LRP1B: variants seen among roughly 807,000 people sequenced by gnomAD.
The protein encoded by LRP1B is LDL receptor related protein 1B, also known as low-density lipoprotein receptor-related protein 1B.
Under a neutral mutation model 556.6 loss-of-function variants are expected in LRP1B, and 217 were observed. The observed-to-expected ratio is 0.39, with a 90% CI of 0.35 to 0.44. The LOEUF is 0.44. Among genes scored for constraint, LRP1B ranks in the 20% least tolerant of loss-of-function variants. The pLI is 1.00. For synonymous variants in LRP1B, 2,047 were observed against 1,865.8 expected, an observed-to-expected ratio of 1.10 and a Z score of -2.50; for missense variants, 5,053 against 5,620.8, an observed-to-expected ratio of 0.90 and a Z score of 3.23.
At chr2:141,427,596 T>C (rs1445748809) in intron 3 of LRP1B, among the ~76,000 whole-genome samples, 1 of 152,204 alleles carries the variant, frequency 6.6e-6, no homozygotes, top group Non-Finnish European at 1.5e-5. Flanking sequence ...CTGAATATAA[T>C]TGTTTCATAT....
intron 23 of LRP1B, among the ~76,000 whole-genome samples, chr2:140,896,338 T>G (rs947412662): frequency 6.6e-6 from 1 of 151,262 alleles, no homozygotes; most frequent in Admixed American, 6.6e-5. Flanking sequence ...ATATTAGGAG[T>G]GAACTTAGAG....
chr2:141,446,950 T>C (rs925822390), intron 3 of LRP1B, among the ~76,000 whole-genome samples: 1 of 152,182 alleles, frequency 6.6e-6, no homozygotes, highest in Admixed American at 6.5e-5. Context: ...TGAATTTGAA[T>C]GTTGGCATGA....
chr2:141,644,286 T>C (rs1689465674), intron 2 of LRP1B, among the ~76,000 whole-genome samples: 1 of 151,930 alleles, frequency 6.6e-6, no homozygotes, highest in African/African-American at 2.4e-5. Flanking sequence ...GTGCTGTTCT[T>C]ATGATAGTGA....
intron 34 of LRP1B, 96 bp downstream of exon 34, chr2:140,770,785 T>C: frequency 9.9e-7 from 1 of 1,009,890 alleles, no homozygotes; most frequent in Non-Finnish European, 1.4e-6. Context: ...AATTTTTTTC[T>C]AATGTTTAAC....
chr2:140,866,095 C>A lies in LRP1B; in HGVS notation c.4579+1495G>T, dbSNP rs114273204. 2.2e-3 allele frequency among the ~76,000 whole-genome samples: 341 copies of A among 152,166 alleles called. 3 individuals are homozygous for A. Among genetic ancestry groups the A allele is most frequent in the East Asian group, 0.016 (84 of 5,176 alleles). The stretch of plus-strand genomic sequence containing the variant: ...ATAGATGAAGGCCATTTTTCATGGT[C>A]CAGTTCATTTAGATTGCACTGAACA... On this transcript the variant is annotated intron_variant, in intron 27 of 90. Coordinates refer to ENST00000389484, the MANE Select transcript of LRP1B (RefSeq NM_018557.3).
intron 2 of LRP1B, among the ~76,000 whole-genome samples, chr2:141,651,355 T>G (rs867955183): frequency 5.3e-5 from 8 of 152,294 alleles, no homozygotes; most frequent in Middle Eastern, 3.4e-3. Context: ...AATGAATCAT[T>G]TTTAGCATAA....
At chr2:140,456,427 A>G (rs1422164179) in intron 62 of LRP1B, 28 bp downstream of exon 62, 9 of 1,606,740 alleles carry the variant, frequency 5.6e-6, no homozygotes, top group African/African-American at 1.3e-5. Context: ...CATACACTCT[A>G]TAATAAGATT....
At chr2:141,931,685 T>A (rs1700511435) in intron 1 of LRP1B, among the ~76,000 whole-genome samples, 2 of 152,172 alleles carry the variant, frequency 1.3e-5, no homozygotes, top group African/African-American at 4.8e-5. Flanking sequence ...ATTTGGGGCC[T>A]ATTTATGTGA....
At chr2:141,124,432 T>C (rs1701146925) in intron 7 of LRP1B, among the ~76,000 whole-genome samples, 1 of 152,160 alleles carries the variant, frequency 6.6e-6, no homozygotes, top group South Asian at 2.1e-4. Context: ...TACATAGCCA[T>C]ATTAATTTCG....
At chr2:141,953,325 A>G (rs1038419272) in intron 1 of LRP1B, among the ~76,000 whole-genome samples, 2 of 152,140 alleles carry the variant, frequency 1.3e-5, no homozygotes, top group Non-Finnish European at 2.9e-5. Flanking sequence ...AATTACTTTT[A>G]TATTGAGTAG....
chr2:141,284,958 A>T (rs182334101), intron 3 of LRP1B, among the ~76,000 whole-genome samples: 1 of 152,226 alleles, frequency 6.6e-6, no homozygotes, highest in African/African-American at 2.4e-5. Context: ...TTTCCAAAAA[A>T]ATTTAAAACC....
chr2:141,759,340 T>C (rs977054132), intron 2 of LRP1B, among the ~76,000 whole-genome samples: 4 of 152,036 alleles, frequency 2.6e-5, no homozygotes, highest in Non-Finnish European at 5.9e-5. Context: ...AATGACAAAA[T>C]AACGATACAA....
chr2:141,825,232 G>C (rs1275478880), intron 1 of LRP1B, among the ~76,000 whole-genome samples: 1 of 152,150 alleles, frequency 6.6e-6, no homozygotes, highest in Non-Finnish European at 1.5e-5. Context: ...TTACAGCTTT[G>C]TGAATAATAG....
chr2:140,322,595 G>A (rs825431), intron 81 of LRP1B, among the ~76,000 whole-genome samples: 5,920 of 127,826 alleles, frequency 0.046, 372 homozygotes, highest in African/African-American at 0.17. Flanking sequence ...TGAAAAATAC[G>A]ACTTTTTTTT....
chr2:141,075,864 C>T (rs1699773118), intron 7 of LRP1B, among the ~76,000 whole-genome samples: 2 of 152,130 alleles, frequency 1.3e-5, no homozygotes, highest in Admixed American at 6.5e-5. Context: ...AAAAATGAAA[C>T]TTTAACTACA....
chr2:141,706,605 T>C (rs1692148620), intron 2 of LRP1B, among the ~76,000 whole-genome samples: 1 of 152,068 alleles, frequency 6.6e-6, no homozygotes, highest in Admixed American at 6.6e-5. Context: ...CTGAAAATAA[T>C]TAGAGCTGAT....
intron 46 of LRP1B, among the ~76,000 whole-genome samples, chr2:140,534,993 C>T (rs866637778): frequency 1.3e-5 from 2 of 152,152 alleles, no homozygotes; most frequent in Non-Finnish European, 2.9e-5. Flanking sequence ...AAAGCCCATA[C>T]TCTACACCTG....
At chr2:142,108,243 C>A (rs986624184) in intron 1 of LRP1B, among the ~76,000 whole-genome samples, 2 of 151,902 alleles carry the variant, frequency 1.3e-5, no homozygotes, top group Non-Finnish European at 2.9e-5. Context: ...TGAAATAAAT[C>A]TTTCCTATGA....
At chr2:140,470,501 C>G (rs553173062) in intron 60 of LRP1B, among the ~76,000 whole-genome samples, 1 of 151,506 alleles carries the variant, frequency 6.6e-6, no homozygotes, top group African/African-American at 2.4e-5. Flanking sequence ...AAAAATTAGC[C>G]GGGTGTGGTG....
Sources: gnomAD v4.1 joint callset for allele counts (sites outside exome capture counted in the v4.1 genomes callset) on GRCh38, gnomAD v4.1.1 for gene constraint, MANE v1.5 for transcripts, NCBI Gene and HGNC (gene_info 2026-07-23, HGNC 2026-07-21) for gene names.